Variants in PSORS1C2 observed in about 807,000 individuals in gnomAD.
PSORS1C2 encodes psoriasis susceptibility 1 candidate 2, also known as psoriasis susceptibility 1 candidate gene 2 protein.
Under a neutral mutation model 12.2 loss-of-function variants are expected in PSORS1C2, and 13 were observed. The ratio of observed to expected loss-of-function variants is 1.07; its 90% CI spans 0.70 to 1.70. The LOEUF (loss-of-function observed/expected upper bound fraction) is 1.70, where lower values mean the gene tolerates loss of function less well. Among genes scored for constraint, PSORS1C2 ranks in the 40% most tolerant of loss-of-function variants. PSORS1C2 has a pLI of 0.00. For missense variants in PSORS1C2, 186 were observed against 173.4 expected (o/e 1.07, Z -0.41); for synonymous variants, 76 against 69.2 (o/e 1.10, Z -0.49).
In PSORS1C2 at chr6:31,138,989, AG is replaced by A; in HGVS notation, c.37del (p.Leu13PhefsTer116). 6.2e-7 allele frequency: 1 copy of A among 1,614,046 alleles called. No homozygotes were observed. The highest frequency in any genetic ancestry group is 8.5e-7 in the Non-Finnish European group (1 of 1,179,976). On this transcript the variant is annotated frameshift_variant, in exon 1 of 2. Transcript: ENST00000259845. LOFTEE classifies it high-confidence loss of function. Reference protein sequence around the residue: ...LNWKLLGILVLCLHTRGISGS... With the variant: ...LNWKLLGILVXCLHTRGISGS... The stretch of plus-strand genomic sequence containing the variant: ...CACCTCACCTCTGGTGTGCAGGCAA[AG>A]GACCAGGATCCCCAGGAGCTTCCAG...
rs1351244977 is a variant in PSORS1C2, at chr6:31,138,973, T to A, written c.54A>T (p.Arg18Ser). 3 of 1,613,810 alleles carry A rather than the reference T, an allele frequency of 1.9e-6. No homozygotes were observed. The African/African-American group carries it at 4.0e-5, about 22-fold the overall frequency. Residue 18 changes from arginine to serine, a missense_variant and splice_region_variant, in exon 1 of 2, where the codon AGA becomes AGT. Arg to Ser is a moderately radical substitution (Grantham distance 110). Coordinates refer to ENST00000259845, the MANE Select transcript of PSORS1C2 (RefSeq NM_014069.3). ...LGILVLCLHT[R>S]GISGSEGHPS... Reference sequence around the variant, plus strand: ...TCCCTGCCTCTGTTCCCACCTCACCTCTGGTGTGCAGGCAAAGGACCAGGA... The same window carrying A: ...TCCCTGCCTCTGTTCCCACCTCACCACTGGTGTGCAGGCAAAGGACCAGGA...
Position 31,138,259 on chromosome 6 carries a change from G to A in PSORS1C2, c.103C>T (p.Arg35Ter), listed in dbSNP as rs993435399. The change falls in exon 2 of 2, where the codon CGA becomes TGA. Residue 35 changes from arginine (R) to a stop codon, truncating the protein, a stop_gained. Transcript: ENST00000259845. LOFTEE classifies it high-confidence loss of function. ...GHPSHPPAEDREEAGSPTLPQ... is the reference protein window; with the variant it reads ...GHPSHPPAED ...AATGTTGGGGAGCCTGCCTCCTCTC[G>A]GTCCTCTGCGGGTGGGTGAGAGGGG... The A allele has an allele frequency of 1.3e-6, 2 of 1,571,766 alleles. No homozygotes were observed. Among genetic ancestry groups the A allele is most frequent in the African/African-American group, 2.7e-5 (2 of 73,702 alleles).
rs1446109861 is a variant in PSORS1C2, at chr6:31,137,546, G to A, written c.*405C>T. 1 of 214,934 alleles carries A rather than the reference G, an allele frequency of 4.7e-6. No homozygotes were observed. Among genetic ancestry groups the A allele is most frequent in the Non-Finnish European group, 9.1e-6 (1 of 110,070 alleles). 13.3% of individuals were successfully genotyped at this position (214,934 alleles called of 1,614,324 possible). A position where few individuals can be genotyped will look rare whatever the true frequency, so the allele number is the denominator to read the frequency against. ...CCTAGATTCAGAATTAAGAAAACAT[G>A]ATTTTTATTTTTCCGTTTCATGGAA... On this transcript the variant is annotated 3_prime_UTR_variant, in exon 2 of 2. Coordinates refer to ENST00000259845, the MANE Select transcript of PSORS1C2 (RefSeq NM_014069.3).
chr6:31,138,958 T>C lies in PSORS1C2; in HGVS notation c.55+14A>G. ...CACCCCAAACTGCAGTCCCTGCCTC[T>C]GTTCCCACCTCACCTCTGGTGTGCA... is the stretch of plus-strand genomic sequence containing the variant. On this transcript the variant is annotated intron_variant, in intron 1 of 1. Transcript: ENST00000259845. The C allele has an allele frequency of 6.2e-7, 1 of 1,613,856 alleles. No homozygotes were observed. The highest frequency in any genetic ancestry group is 8.5e-7 in the Non-Finnish European group (1 of 1,179,750).
In PSORS1C2 at chr6:31,137,799, A is replaced by C. The variant is rs1381057770; in HGVS notation, c.*152T>G. ...CAGGAGGGGACAGGAAATATTGAGA[A>C]CACCACCTTACGGGTTCAGAATAAA... On this transcript the variant is annotated 3_prime_UTR_variant, in exon 2 of 2. Coordinates refer to ENST00000259845, the MANE Select transcript of PSORS1C2 (RefSeq NM_014069.3). The C allele has an allele frequency of 6.9e-6, 3 of 432,142 alleles. No individual in the cohort carries two copies. Among genetic ancestry groups the C allele is most frequent in the Non-Finnish European group, 1.2e-5 (3 of 242,180 alleles). 26.8% of individuals were successfully genotyped at this position (432,142 alleles called of 1,614,324 possible). A position where few individuals can be genotyped will look rare whatever the true frequency, so the allele number is the denominator to read the frequency against.
rs2233951 is a variant in PSORS1C2, at chr6:31,138,211, C to T, written c.151G>A (p.Gly51Ser). Residue 51 changes from glycine to serine, a missense_variant, in exon 2 of 2, where the codon GGT becomes AGT. Physicochemically the swap from Gly to Ser is moderately conservative, Grantham distance 56 (BLOSUM62 0). Transcript: ENST00000259845. ...GGGGGTGCCCCTGGCCAAGGGTCAC[C>T]GGGGACTGGGGGGCCCTGAGGCAAT... Reference protein sequence around the residue: ...PTLPQGPPVPGDPWPGAPPLF... With the variant: ...PTLPQGPPVPSDPWPGAPPLF... 3.4e-3 allele frequency: 5,318 copies of T among 1,570,334 alleles called. 177 individuals are homozygous for T. The East Asian group carries it at 0.057, about 17-fold the overall frequency.
chr6:31,138,011 C>T lies in PSORS1C2; in HGVS notation c.351G>A (p.Glu117=), dbSNP rs769697134. ...GCTCCTCCTGAGGTCGGTTGTCCAC[C>T]TCAGGGGCAGGAGGCCAGGGGTTTT... is the stretch of plus-strand genomic sequence containing the variant. ...PPENPWPPAP[E]VDNRPQEEPD... The change falls in exon 2 of 2, where the codon GAG becomes GAA. Residue 117 remains glutamate, a synonymous_variant. Transcript: ENST00000259845. The T allele has an allele frequency of 1.3e-6, 2 of 1,524,268 alleles. No individual in the cohort carries two copies. Among genetic ancestry groups the T allele is most frequent in the East Asian group, 2.3e-5 (1 of 43,926 alleles). The allele number at this position is 1,524,268 out of a possible 1,614,324, so 94.4% of individuals were successfully genotyped here. A position where few individuals can be genotyped will look rare whatever the true frequency, so the allele number is the denominator to read the frequency against.
intron 1 of PSORS1C2, chr6:31,138,570 C>T: frequency 3.1e-6 from 5 of 1,608,328 alleles, no homozygotes; most frequent in East Asian, 2.2e-5. Context: ...TCCAAATAAG[C>T]TCCATCCACC....
chr6:31,137,931 G>C lies in PSORS1C2; in HGVS notation c.*20C>G, dbSNP rs752086521. The C allele has an allele frequency of 7.7e-7, 1 of 1,306,978 alleles. No homozygotes were observed. The highest frequency in any genetic ancestry group is 1.7e-5 in the South Asian group (1 of 58,462). 81.0% of individuals were successfully genotyped at this position (1,306,978 alleles called of 1,614,324 possible). On this transcript the variant is annotated 3_prime_UTR_variant, in exon 2 of 2. Transcript: ENST00000259845. ...GGGTGCCTGGAGATGCCTGGGAACA[G>C]AACGGCTGAGGGGACTCCATTATCT...
chr6:31,138,045 T>G lies in PSORS1C2; in HGVS notation c.317A>C (p.Gln106Pro). The G allele has an allele frequency of 6.5e-7, 1 of 1,533,002 alleles. No homozygotes were observed. The highest frequency in any genetic ancestry group is 8.8e-7 in the Non-Finnish European group (1 of 1,142,592). The allele number at this position is 1,533,002 out of a possible 1,614,324, so 95.0% of individuals were successfully genotyped here. The change falls in exon 2 of 2, where the codon CAG (glutamine) becomes CCG (proline). Residue 106 changes from glutamine to proline, a missense_variant. Transcript: ENST00000259845. Reference protein sequence around the residue: ...RPDDPWPAGPQPPENPWPPAP... With the variant: ...RPDDPWPAGPPPPENPWPPAP... ...AGGAGGCCAGGGGTTTTCTGGGGGC[T>G]GGGGTCCTGCCGGCCAAGGGTCGTC...
In PSORS1C2 at chr6:31,137,651, C is replaced by A. The variant is rs1303438148; in HGVS notation, c.*300G>T. On this transcript the variant is annotated 3_prime_UTR_variant, in exon 2 of 2. Transcript: ENST00000259845. Reference sequence around the variant, plus strand: ...ACACAGTACCATAGCCCTGCCCCAGCGATCGCGCGGGCAGGAAGACCGGGT... The same window carrying A: ...ACACAGTACCATAGCCCTGCCCCAGAGATCGCGCGGGCAGGAAGACCGGGT... 2.9e-6 allele frequency: 1 copy of A among 349,978 alleles called. No individual in the cohort carries two copies. The highest frequency in any genetic ancestry group is 2.1e-5 in the African/African-American group (1 of 47,678). 21.7% of individuals were successfully genotyped at this position (349,978 alleles called of 1,614,324 possible).
intron 1 of PSORS1C2, chr6:31,138,681 A>AC (rs773214537): frequency 6.2e-7 from 1 of 1,613,164 alleles, no homozygotes; most frequent in South Asian, 1.1e-5. Context: ...CTTTACAAGG[A>AC]CCCCAGCTCC....
rs778698956 is a variant in PSORS1C2 at position 31,138,221 on chromosome 6, G to A, written c.141C>T (p.Pro47=). The change falls in exon 2 of 2, where the codon CCC becomes CCT. Residue 47 remains proline (P), a synonymous_variant. Coordinates refer to ENST00000259845, the MANE Select transcript of PSORS1C2 (RefSeq NM_014069.3). ...CTGGCCAAGGGTCACCGGGGACTGG[G>A]GGGCCCTGAGGCAATGTTGGGGAGC... is the stretch of plus-strand genomic sequence containing the variant. ...EAGSPTLPQG[P]PVPGDPWPGA... 99 of 1,566,856 alleles carry A rather than the reference G, an allele frequency of 6.3e-5. No homozygotes were observed. Among genetic ancestry groups the A allele is most frequent in the Non-Finnish European group, 8.4e-5 (97 of 1,158,778 alleles).
chr6:31,138,628 C>A, intron 1 of PSORS1C2: 1 of 1,612,918 alleles, frequency 6.2e-7, no homozygotes, highest in South Asian at 1.1e-5. Context: ...AACCTGCAAC[C>A]CAAAGTGGGT....
At chr6:31,138,896 C>T (rs970230852) in intron 1 of PSORS1C2, 76 bp downstream of exon 1, 10 of 1,596,692 alleles carry the variant, frequency 6.3e-6, no homozygotes, top group African/African-American at 1.3e-5. Context: ...CAACCCCATG[C>T]GTCCAGTTCA....
chr6:31,138,713 A>G (rs148626441), intron 1 of PSORS1C2: 1 of 1,603,398 alleles, frequency 6.2e-7, no homozygotes, highest in Non-Finnish European at 8.5e-7. Context: ...CCCAGCTCCG[A>G]GGAAACTCGT....
intron 1 of PSORS1C2, chr6:31,138,550 A>C: frequency 6.2e-7 from 1 of 1,607,358 alleles, no homozygotes; most frequent in Admixed American, 1.7e-5. Context: ...CTTTAAACTG[A>C]CCAGACTTCT....
intron 1 of PSORS1C2, chr6:31,138,527 T>A: frequency 6.2e-7 from 1 of 1,606,194 alleles, no homozygotes; most frequent in Non-Finnish European, 8.5e-7. Context: ...ATCTGAACCG[T>A]TCACTTGACC....
Position 31,137,778 on chromosome 6 carries a change from A to G in PSORS1C2, c.*173T>C. 1 of 415,736 alleles carries G rather than the reference A, an allele frequency of 2.4e-6. No individual in the cohort carries two copies. Among genetic ancestry groups the G allele is most frequent in the Non-Finnish European group, 4.3e-6 (1 of 234,422 alleles). 25.8% of individuals were successfully genotyped at this position (415,736 alleles called of 1,614,324 possible). ...GTGAGGACTAAGTATGGATCTCAGG[A>G]GGGGACAGGAAATATTGAGAACACC... is the stretch of plus-strand genomic sequence containing the variant. On this transcript the variant is annotated 3_prime_UTR_variant, in exon 2 of 2. Transcript: ENST00000259845.
Sources: allele counts gnomAD v4.1 joint callset, GRCh38; gene constraint gnomAD v4.1.1; transcripts MANE v1.5; gene names NCBI Gene and HGNC (gene_info 2026-07-23, HGNC 2026-07-21).